Variants in AMY2B observed in about 807,000 individuals in gnomAD.
The protein encoded by AMY2B is alpha-amylase 2B.
A neutral mutation model predicts 59.3 loss-of-function variants in AMY2B; 63 were observed. That is an observed-to-expected ratio of 1.06 (90% CI 0.87 to 1.31). The LOEUF is 1.31. Ranked by LOEUF, AMY2B falls within the 50% of genes most tolerant of loss-of-function variation. The probability of loss-of-function intolerance (pLI) is 0.00; values close to 1 mark genes in which losing one functional copy is unlikely to be tolerated. For missense variants in AMY2B, 635 were observed against 626.7 expected (o/e 1.01, Z -0.14); for synonymous variants, 180 against 198.1 (o/e 0.91, Z 0.77).
intron 7 of AMY2B, chr1:103,575,768 GC>G: frequency 1.9e-6 from 1 of 514,520 alleles, no homozygotes; most frequent in Non-Finnish European, 3.0e-6. Context: ...CATCCCCCTA[GC>G]CCACAGGAAA....
At chr1:103,572,771 A>T (rs552808695) in intron 2 of AMY2B, among the ~76,000 whole-genome samples, 66 of 152,214 alleles carry the variant, frequency 4.3e-4, no homozygotes, top group African/African-American at 1.1e-3. Flanking sequence ...TTCCAGTCTC[A>T]TCTGAGTTTT....
At chr1:103,566,718 C>A (rs1651923217), upstream of AMY2B, among the ~76,000 whole-genome samples, 1 of 152,140 alleles carries the variant, frequency 6.6e-6, no homozygotes. Context: ...CAAATCCTGT[C>A]TTTGTCACTT....
At chr1:103,577,014 C>G (rs527357206) in intron 7 of AMY2B, among the ~76,000 whole-genome samples, 1 of 152,276 alleles carries the variant, frequency 6.6e-6, no homozygotes, top group South Asian at 2.1e-4. Context: ...GCGAGAAGAT[C>G]AGCTGACCTG....
intron 1 of AMY2B, among the ~76,000 whole-genome samples, chr1:103,558,162 G>A (rs1484195060): frequency 6.6e-6 from 1 of 152,180 alleles, no homozygotes; most frequent in Non-Finnish European, 1.5e-5. Context: ...GCTGTGAAAT[G>A]TGAGCAGAAA....
At chr1:103,556,303 G>GGGT (rs1385696186) in intron 1 of AMY2B, among the ~76,000 whole-genome samples, 3 of 152,196 alleles carry the variant, frequency 2.0e-5, no homozygotes, top group Non-Finnish European at 4.4e-5. Context: ...CTAAAGTTGA[G>GGGT]ATTTCCCTAG....
rs1652207447 is a variant in AMY2B, at chr1:103,573,240, A to C, written c.493A>C (p.Asn165His). 2.5e-6 allele frequency: 4 copies of C among 1,613,550 alleles called. No individual in the cohort carries two copies. Among genetic ancestry groups the C allele is most frequent in the Non-Finnish European group, 3.4e-6 (4 of 1,179,644 alleles). Residue 165 changes from asparagine (N) to histidine (H), a missense_variant, in exon 3 of 10, where the codon AAC (asparagine) becomes CAC (histidine). Asn to His is a moderately conservative substitution (Grantham distance 68). Coordinates refer to ENST00000684275, the MANE Select transcript of AMY2B (RefSeq NM_001387437.1). ...KCKTGSGDIE[N>H]YNDATQVRDC... is the part of the protein sequence containing the mutation. ...TAAAACTGGAAGTGGAGATATCGAG[A>C]ACTACAATGATGCTACTCAGGTAAA...
intron 3 of AMY2B, 144 bp downstream of exon 3, chr1:103,573,404 C>T: frequency 7.0e-6 from 10 of 1,420,512 alleles, no homozygotes; most frequent in Non-Finnish European, 8.6e-6. Flanking sequence ...TTAAGAAACT[C>T]AAATCCATAT....
chr1:103,578,390 T>C (rs1217245223), intron 9 of AMY2B, among the ~76,000 whole-genome samples: 5 of 152,158 alleles, frequency 3.3e-5, no homozygotes. Context: ...TTCAGGGGAT[T>C]TGAGTTTTAG....
intron 7 of AMY2B, 89 bp from the exon 8 acceptor site, chr1:103,577,401 A>G (rs940974760): frequency 6.2e-7 from 1 of 1,601,736 alleles, no homozygotes; most frequent in Non-Finnish European, 8.5e-7. Flanking sequence ...CAGAGACACA[A>G]GTAACAGGAT....
upstream of AMY2B, chr1:103,570,678 G>C: frequency 3.5e-6 from 2 of 577,970 alleles, no homozygotes; most frequent in Non-Finnish European, 6.9e-6. Context: ...CTTCTAAATG[G>C]ACTGTGAGCA....
rs543532881 is a variant in AMY2B at position 103,577,801 on chromosome 1, T to C, written c.1302T>C (p.Phe434=). 4.4e-6 allele frequency: 7 copies of C among 1,606,324 alleles called. No homozygotes were observed. The African/African-American group carries it at 8.0e-5, about 18-fold the overall frequency. ...WYDNGSNQVA[F]GRGNRGFIVF... ...ATAATGGGAGCAACCAAGTGGCTTT[T>C]GGGAGAGGAAACAGAGGATTCATTG... is the stretch of plus-strand genomic sequence containing the variant. The change falls in exon 9 of 10, where the codon TTT becomes TTC. Residue 434 remains phenylalanine, a synonymous_variant. Transcript: ENST00000684275.
At chr1:103,570,296 C>T, upstream of AMY2B, 1 of 591,456 alleles carries the variant, frequency 1.7e-6, no homozygotes, top group Non-Finnish European at 3.3e-6. Context: ...CATGTCATCA[C>T]CATCGGCAAT....
chr1:103,570,381 A>G, upstream of AMY2B: 1 of 845,966 alleles, frequency 1.2e-6, no homozygotes, highest in South Asian at 1.3e-5. Context: ...CACCCAGACC[A>G]TCTTCAACTC....
chr1:103,562,976 G>A (rs368200466), intron 1 of AMY2B, among the ~76,000 whole-genome samples: 55 of 152,002 alleles, frequency 3.6e-4, no homozygotes, highest in African/African-American at 8.2e-4. Context: ...CACTAGAGCC[G>A]TTTCCCTATA....
At chr1:103,570,699 A>T, upstream of AMY2B, 2 of 561,604 alleles carry the variant, frequency 3.6e-6, no homozygotes, top group Non-Finnish European at 7.1e-6. Context: ...GATGGCTAGC[A>T]ATTGCTTCAT....
upstream of AMY2B, chr1:103,569,640 T>C (rs1343494439): frequency 1.3e-5 from 5 of 398,094 alleles, no homozygotes; most frequent in African/African-American, 4.2e-5. Context: ...CCCCCAGCCA[T>C]GTTTCCTTCC....
chr1:103,559,221 T>C (rs570530158), intron 1 of AMY2B, among the ~76,000 whole-genome samples: 1 of 152,340 alleles, frequency 6.6e-6, no homozygotes, highest in South Asian at 2.1e-4. Context: ...AAGTTTATTA[T>C]GCCATATTTT....
intron 7 of AMY2B, chr1:103,575,767 A>T (rs1570649601): frequency 3.6e-6 from 2 of 558,964 alleles, no homozygotes; most frequent in African/African-American, 2.0e-5. Context: ...ACATCCCCCT[A>T]GCCCACAGGA....
chr1:103,578,619 C>A (rs1420945088), intron 9 of AMY2B, among the ~76,000 whole-genome samples: 1 of 152,086 alleles, frequency 6.6e-6, no homozygotes, highest in Non-Finnish European at 1.5e-5. Flanking sequence ...TCTAGTTGAT[C>A]TCTTTCCTGC....
Sources: gnomAD v4.1 joint callset for allele counts (sites outside exome capture counted in the v4.1 genomes callset) on GRCh38, gnomAD v4.1.1 for gene constraint, MANE v1.5 for transcripts, NCBI Gene and HGNC (gene_info 2026-07-23, HGNC 2026-07-21) for gene names.